PDE4B: variants seen among roughly 807,000 people sequenced by gnomAD.
PDE4B encodes 3',5'-cyclic-AMP phosphodiesterase 4B.
Under a neutral mutation model 82.2 loss-of-function variants are expected in PDE4B, and 20 were observed. The ratio of observed to expected loss-of-function variants is 0.24; its 90% CI spans 0.17 to 0.35. The LOEUF is 0.35. Among genes scored for constraint, PDE4B ranks in the 10% least tolerant of loss-of-function variants. The pLI, the probability that PDE4B is intolerant of heterozygous loss-of-function variation, is 1.00. For missense variants in PDE4B, 655 were observed against 907.2 expected (o/e 0.72, Z 3.57); for synonymous variants, 320 against 318.9 (o/e 1.00, Z -0.04).
chr1:66,368,117 A>C lies in PDE4B; in HGVS notation c.1662+52A>C, dbSNP rs1010429450. 1.9e-6 allele frequency: 3 copies of C among 1,579,232 alleles called. No homozygotes were observed. The Admixed American group carries it at 5.2e-5, about 28-fold the overall frequency. ...CACAAAACCAAACCAAACTAAGCTG[A>C]ACAACAATTAGAAAAAGAAAACAAA... is the stretch of plus-strand genomic sequence containing the variant. On this transcript the variant is annotated intron_variant, in intron 15 of 16. Coordinates refer to ENST00000341517, the MANE Select transcript of PDE4B (RefSeq NM_002600.4).
At chr1:65,992,985 C>T (rs760083527) in intron 3 of PDE4B, 1 of 1,613,950 alleles carries the variant, frequency 6.2e-7, no homozygotes, top group Non-Finnish European at 8.5e-7. Context: ...GGAGCAAATG[C>T]ATTTAGAACT....
chr1:65,895,549 C>CAA (rs10605148), intron 1 of PDE4B, among the ~76,000 whole-genome samples: 112 of 91,650 alleles, frequency 1.2e-3, no homozygotes, highest in African/African-American at 1.6e-3. Context: ...GACACTGTCT[C>CAA]AAAAAAAAAA....
intron 3 of PDE4B, among the ~76,000 whole-genome samples, chr1:66,027,873 C>A (rs1202679731): frequency 6.6e-6 from 1 of 152,212 alleles, no homozygotes; most frequent in Non-Finnish European, 1.5e-5. Flanking sequence ...TGTGACTTTG[C>A]AGGGTACAGC....
At chr1:65,974,154 C>T (rs2503205) in intron 3 of PDE4B, among the ~76,000 whole-genome samples, 149,028 of 152,296 alleles carry the variant, frequency 0.98, 72,997 homozygotes, top group Middle Eastern at 1. Flanking sequence ...TTTTAGATCA[C>T]GGTTGCCCTC....
chr1:66,367,709 T>G lies in PDE4B; in HGVS notation c.1398T>G (p.Ala466=), dbSNP rs1281944905. ...CTGATTTATTAGATTCAGAACTTGCTTTGATGTATAATGATGAATCTGTGT... is the reference window on the plus strand; with the variant it reads ...CTGATTTATTAGATTCAGAACTTGCGTTGATGTATAATGATGAATCTGTGT... ...QFLINTNSEL[A]LMYNDESVLE... is the part of the protein sequence containing the mutation. The change falls in exon 14 of 17, where the codon GCT becomes GCG. Residue 466 remains alanine, a synonymous_variant. Transcript: ENST00000341517. 3 of 1,611,118 alleles carry G rather than the reference T, an allele frequency of 1.9e-6. No individual in the cohort carries two copies. Among genetic ancestry groups the G allele is most frequent in the African/African-American group, 2.7e-5 (2 of 74,900 alleles).
intron 6 of PDE4B, among the ~76,000 whole-genome samples, chr1:66,262,983 A>G (rs1468237383): frequency 6.6e-6 from 1 of 152,252 alleles, no homozygotes; most frequent in Non-Finnish European, 1.5e-5. Context: ...CTTCTTTCAC[A>G]AAAGTCTTCT....
chr1:66,346,142 T>C (rs963598237), intron 8 of PDE4B, among the ~76,000 whole-genome samples: 2 of 152,218 alleles, frequency 1.3e-5, no homozygotes, highest in Non-Finnish European at 2.9e-5. Flanking sequence ...TGTTGGAGAA[T>C]AGCAGCCTAA....
chr1:66,083,611 C>T (rs756428991), intron 3 of PDE4B, among the ~76,000 whole-genome samples: 1 of 152,080 alleles, frequency 6.6e-6, no homozygotes, highest in Non-Finnish European at 1.5e-5. Flanking sequence ...ATCTCAAATT[C>T]CTCCTTCTTT....
At chr1:66,017,534 G>A (rs149262295) in intron 3 of PDE4B, among the ~76,000 whole-genome samples, 34 of 152,190 alleles carry the variant, frequency 2.2e-4, no homozygotes, top group Non-Finnish European at 4.0e-4. Context: ...ATTGCATATA[G>A]GATCACATTT....
intron 3 of PDE4B, among the ~76,000 whole-genome samples, chr1:66,059,701 C>A (rs545869334): frequency 6.6e-6 from 1 of 152,280 alleles, no homozygotes; most frequent in Non-Finnish European, 1.5e-5. Flanking sequence ...ATTCAATAAC[C>A]TCCCACTGTG....
intron 1 of PDE4B, among the ~76,000 whole-genome samples, chr1:65,817,147 C>T (rs1645895907): frequency 6.6e-6 from 1 of 152,108 alleles, no homozygotes; most frequent in Non-Finnish European, 1.5e-5. Flanking sequence ...AACCAAGAGC[C>T]AGGAAAATAA....
chr1:66,038,838 T>G (rs968939810), intron 3 of PDE4B, among the ~76,000 whole-genome samples: 13 of 152,128 alleles, frequency 8.5e-5, no homozygotes, highest in Non-Finnish European at 1.8e-4. Flanking sequence ...AATAAGGTCA[T>G]GAATCGAGAT....
chr1:65,804,656 A>G (rs1375591252), intron 1 of PDE4B, among the ~76,000 whole-genome samples: 1 of 152,064 alleles, frequency 6.6e-6, no homozygotes, highest in Non-Finnish European at 1.5e-5. Context: ...GCTGCCAAAC[A>G]CCACTAGAGG....
intron 4 of PDE4B, among the ~76,000 whole-genome samples, chr1:66,254,662 G>A (rs1339854445): frequency 1.3e-5 from 2 of 152,030 alleles, no homozygotes; most frequent in Non-Finnish European, 1.5e-5. Flanking sequence ...CAACAGGAGG[G>A]GAAACTCCTC....
At chr1:66,368,139 CAA>C in intron 15 of PDE4B, 74 bp downstream of exon 15, 1 of 1,524,028 alleles carries the variant, frequency 6.6e-7, no homozygotes, top group Non-Finnish European at 9.0e-7. Context: ...AAAAAGAAAA[CAA>C]AGATAAATTC....
chr1:66,131,638 T>TATATATATATATATAGA (rs1553149837), intron 3 of PDE4B, among the ~76,000 whole-genome samples: 1 of 120,278 alleles, frequency 8.3e-6, no homozygotes, highest in Non-Finnish European at 1.7e-5. Flanking sequence ...TATATATATA[T>TATATATATATATATAGA]TACTAACCAG....
chr1:66,294,250 C>G (rs940673917), intron 7 of PDE4B, among the ~76,000 whole-genome samples: 12 of 152,062 alleles, frequency 7.9e-5, no homozygotes, highest in African/African-American at 2.9e-4. Flanking sequence ...TTGGGCTTCT[C>G]TCAACAAAGT....
At chr1:65,866,804 T>C (rs1557786545) in intron 1 of PDE4B, among the ~76,000 whole-genome samples, 2 of 152,184 alleles carry the variant, frequency 1.3e-5, no homozygotes, top group Admixed American at 6.5e-5. Context: ...TAAAAAAGGA[T>C]TGATTAGAGA....
intron 1 of PDE4B, among the ~76,000 whole-genome samples, chr1:65,898,451 A>G (rs748890853): frequency 4.6e-5 from 7 of 151,712 alleles, no homozygotes; most frequent in Non-Finnish European, 1.0e-4. Context: ...TCTTCACAGC[A>G]TTGGAAAAAA....
Sources: allele counts gnomAD v4.1 joint callset (sites outside exome capture counted in the v4.1 genomes callset), GRCh38; gene constraint gnomAD v4.1.1; transcripts MANE v1.5; gene names NCBI Gene and HGNC (gene_info 2026-07-23, HGNC 2026-07-21).